FBXO11: variants seen among roughly 807,000 people sequenced by gnomAD.
FBXO11 encodes F-box only protein 11.
Under a neutral mutation model 117.0 loss-of-function variants are expected in FBXO11, and 13 were observed. The ratio of observed to expected loss-of-function variants is 0.11; its 90% CI spans 0.07 to 0.18. The LOEUF (loss-of-function observed/expected upper bound fraction) is 0.18, where lower values mean the gene tolerates loss of function less well. Among genes scored for constraint, FBXO11 ranks in the 10% least tolerant of loss-of-function variants. The probability of loss-of-function intolerance (pLI) is 1.00; values close to 1 mark genes in which losing one functional copy is unlikely to be tolerated. For synonymous variants in FBXO11, 490 were observed against 380.5 expected (o/e 1.29, Z -3.35); for missense variants, 767 against 1,164.4 (o/e 0.66, Z 4.97).
intron 1 of FBXO11, among the ~76,000 whole-genome samples, chr2:47,846,798 C>T (rs1673450289): frequency 6.6e-6 from 1 of 151,886 alleles, no homozygotes; most frequent in Non-Finnish European, 1.5e-5. Context: ...TTTTTTCATA[C>T]TAAATCTTTG....
chr2:47,895,160 T>C (rs1677561864), intron 1 of FBXO11, among the ~76,000 whole-genome samples: 1 of 152,074 alleles, frequency 6.6e-6, no homozygotes. Flanking sequence ...TGTGTAAGAA[T>C]GCTCACATAT....
At chr2:47,899,464 A>C (rs558429361) in intron 1 of FBXO11, among the ~76,000 whole-genome samples, 3 of 152,104 alleles carry the variant, frequency 2.0e-5, no homozygotes, top group Non-Finnish European at 4.4e-5. Context: ...GAACTTTACT[A>C]TCTCTCATCC....
intron 11 of FBXO11, among the ~76,000 whole-genome samples, chr2:47,830,920 C>A (rs1331154111): frequency 6.6e-6 from 1 of 152,048 alleles, no homozygotes; most frequent in African/African-American, 2.4e-5. Context: ...CTGTCTCAGC[C>A]CCCAAGTAGC....
At chr2:47,881,799 G>A (rs1266270355) in intron 1 of FBXO11, among the ~76,000 whole-genome samples, 1 of 151,940 alleles carries the variant, frequency 6.6e-6, no homozygotes, top group African/African-American at 2.4e-5. Context: ...AGGCTGGAGT[G>A]CAGTGGCATG....
intron 1 of FBXO11, among the ~76,000 whole-genome samples, chr2:47,892,727 C>A (rs1041736663): frequency 6.6e-6 from 1 of 152,126 alleles, no homozygotes; most frequent in Non-Finnish European, 1.5e-5. Flanking sequence ...TGTCCTCCTA[C>A]CTTCAATTTC....
chr2:47,849,958 A>G (rs555263689), intron 1 of FBXO11, among the ~76,000 whole-genome samples: 1 of 152,328 alleles, frequency 6.6e-6, no homozygotes, highest in South Asian at 2.1e-4. Context: ...AAGAACAGTA[A>G]TGTGTTCTGA....
At chr2:47,824,233 C>G (rs1192738410) in intron 11 of FBXO11, among the ~76,000 whole-genome samples, 1 of 152,134 alleles carries the variant, frequency 6.6e-6, no homozygotes, top group Non-Finnish European at 1.5e-5. Flanking sequence ...GTGGCTGGGC[C>G]TCCCAGCACT....
At chr2:47,822,882 A>G (rs1021839859) in intron 12 of FBXO11, among the ~76,000 whole-genome samples, 3 of 152,234 alleles carry the variant, frequency 2.0e-5, no homozygotes, top group Non-Finnish European at 2.9e-5. Flanking sequence ...TGATGAATTT[A>G]AAATAAAAAT....
At chr2:47,837,476 A>G (rs1456997700) in intron 4 of FBXO11, among the ~76,000 whole-genome samples, 1 of 152,170 alleles carries the variant, frequency 6.6e-6, no homozygotes, top group Non-Finnish European at 1.5e-5. Flanking sequence ...GCAGTGAGTC[A>G]AGATTGTGCC....
At chr2:47,860,659 G>A (rs1051240450) in intron 1 of FBXO11, among the ~76,000 whole-genome samples, 5 of 150,676 alleles carry the variant, frequency 3.3e-5, no homozygotes, top group Non-Finnish European at 5.9e-5. Flanking sequence ...CACCTGCCTC[G>A]GCCTCCCAAA....
chr2:47,873,718 C>A (rs1431635421), intron 1 of FBXO11, among the ~76,000 whole-genome samples: 7 of 152,308 alleles, frequency 4.6e-5, no homozygotes, highest in South Asian at 4.1e-4. Flanking sequence ...AGTTTCCAAA[C>A]TGATTTATTT....
At chr2:47,828,365 A>G (rs1671920940) in intron 11 of FBXO11, among the ~76,000 whole-genome samples, 1 of 152,122 alleles carries the variant, frequency 6.6e-6, no homozygotes, top group South Asian at 2.1e-4. Context: ...AAATATGACA[A>G]AGTAGGCCAG....
intron 1 of FBXO11, among the ~76,000 whole-genome samples, chr2:47,842,196 G>C (rs1351751175): frequency 6.7e-6 from 1 of 150,012 alleles, no homozygotes; most frequent in Non-Finnish European, 1.5e-5. Context: ...TTGTATTTTT[G>C]ATAGAGACGG....
chr2:47,812,148 A>G (rs1572762466), intron 18 of FBXO11, among the ~76,000 whole-genome samples: 1 of 151,972 alleles, frequency 6.6e-6, no homozygotes, highest in African/African-American at 2.4e-5. Context: ...TGTAGCCTCA[A>G]TTTTCTGTAC....
In FBXO11 at chr2:47,852,013, G is replaced by A. The variant is rs1673902601; in HGVS notation, c.233-12244C>T. ...AATTTTTTTTTTTTTTTTTTTTGAG[G>A]CTGAGTCTTGCTCTGTTGCCCAGGT... is the stretch of plus-strand genomic sequence containing the variant. On this transcript the variant is annotated intron_variant, in intron 1 of 22. Coordinates refer to ENST00000403359, the MANE Select transcript of FBXO11 (RefSeq NM_001190274.2). 4.4e-5 allele frequency among the ~76,000 whole-genome samples: 6 copies of A among 135,580 alleles called. No individual in the cohort carries two copies. The South Asian group carries it at 1.3e-3, about 30-fold the overall frequency. The allele number at this position is 135,580 out of a possible 152,430, so 88.9% of individuals were successfully genotyped here.
intron 1 of FBXO11, among the ~76,000 whole-genome samples, chr2:47,885,546 G>A (rs1676763659): frequency 6.6e-6 from 1 of 151,936 alleles, no homozygotes; most frequent in Non-Finnish European, 1.5e-5. Context: ...CTGCACTCCA[G>A]CCTGGGCAAC....
chr2:47,853,134 C>T (rs1430169359), intron 1 of FBXO11, among the ~76,000 whole-genome samples: 2 of 151,410 alleles, frequency 1.3e-5, no homozygotes, highest in East Asian at 1.9e-4. Context: ...TGCAGTGGCA[C>T]GATCTTGGCT....
At chr2:47,849,164 T>A (rs1008071787) in intron 1 of FBXO11, among the ~76,000 whole-genome samples, 15 of 151,202 alleles carry the variant, frequency 9.9e-5, no homozygotes, top group African/African-American at 3.4e-4. Context: ...GCTAAAAAAA[T>A]TCACAAATGG....
intron 1 of FBXO11, among the ~76,000 whole-genome samples, chr2:47,866,560 G>A (rs1301872104): frequency 1.3e-5 from 2 of 150,940 alleles, no homozygotes; most frequent in Non-Finnish European, 2.9e-5. Context: ...TGCAAACTCC[G>A]CCTCTCGGGT....
Sources: allele counts gnomAD v4.1 joint callset (sites outside exome capture counted in the v4.1 genomes callset), GRCh38; gene constraint gnomAD v4.1.1; transcripts MANE v1.5; gene names NCBI Gene and HGNC (gene_info 2026-07-23, HGNC 2026-07-21).